The following RUNDC1 variants were observed in gnomAD, a reference collection of about 807,000 sequenced individuals.
RUNDC1 encodes the protein RUN domain containing 1.
Under a neutral mutation model 49.3 loss-of-function variants are expected in RUNDC1, and 31 were observed. The observed-to-expected ratio is 0.63, with a 90% CI of 0.47 to 0.85. RUNDC1 has a LOEUF of 0.85. Among genes scored for constraint, RUNDC1 ranks in the 40% least tolerant of loss-of-function variants. The pLI is 0.00. For synonymous variants in RUNDC1, 347 were observed against 348.6 expected (o/e 1.00, Z 0.05); for missense variants, 715 against 806.7 (o/e 0.89, Z 1.38).
chr17:42,988,371 G>A (rs2050197460), intron 2 of RUNDC1, among the ~76,000 whole-genome samples: 2 of 151,682 alleles, frequency 1.3e-5, no homozygotes, highest in African/African-American at 4.8e-5. Context: ...TCCTGCCTCA[G>A]CCTCCCGAGT....
At position 42,989,421 on chromosome 17, in the gene RUNDC1, T is replaced by G; in HGVS notation, c.738T>G (p.Arg246=). ...DISSLSTEEL[R]QRVDAAVAQI... is the part of the protein sequence containing the mutation. ...GTTCCCTGTCCACTGAAGAGCTTCG[T>G]CAGCGTGTAGATGCAGCAGTGGCTC... is the stretch of plus-strand genomic sequence containing the variant. The change falls in exon 3 of 5, where the codon CGT becomes CGG. Residue 246 remains arginine, a synonymous_variant. Coordinates refer to ENST00000361677, the MANE Select transcript of RUNDC1 (RefSeq NM_173079.5). The G allele has an allele frequency of 6.2e-7, 1 of 1,614,092 alleles. No individual in the cohort carries two copies. The highest frequency in any genetic ancestry group is 8.5e-7 in the Non-Finnish European group (1 of 1,180,002).
chr17:42,990,323 T>C lies in RUNDC1; in HGVS notation c.863T>C (p.Val288Ala), dbSNP rs1339573645. ...EMFINFIQDE[V>A]GSPLQTGGGH... is the part of the protein sequence containing the mutation. ...CTATAATTTCTGATTCCAGATGAAGTGGGAAGCCCCTTGCAGACAGGTGGT... is the reference window on the plus strand; with the variant it reads ...CTATAATTTCTGATTCCAGATGAAGCGGGAAGCCCCTTGCAGACAGGTGGT... The change falls in exon 4 of 5, where the codon GTG becomes GCG. Residue 288 changes from valine to alanine, a missense_variant. Transcript: ENST00000361677. 1 of 1,613,382 alleles carries C rather than the reference T, an allele frequency of 6.2e-7. No individual in the cohort carries two copies. The highest frequency in any genetic ancestry group is 8.5e-7 in the Non-Finnish European group (1 of 1,179,862).
chr17:42,986,076 T>C (rs946058599), intron 1 of RUNDC1, among the ~76,000 whole-genome samples: 8 of 152,204 alleles, frequency 5.3e-5, no homozygotes, highest in African/African-American at 1.9e-4. Context: ...CAAAGCTCAA[T>C]GCAGCCTCAA....
intron 1 of RUNDC1, among the ~76,000 whole-genome samples, chr17:42,982,214 T>TG (rs1567728818): frequency 6.6e-6 from 1 of 152,084 alleles, no homozygotes. Context: ...CTCGAACTCC[T>TG]GAGCTCAAGC....
intron 2 of RUNDC1, among the ~76,000 whole-genome samples, chr17:42,988,364 T>G (rs1176402006): frequency 6.6e-6 from 1 of 151,882 alleles, no homozygotes. Context: ...GCAATTCTCC[T>G]GCCTCAGCCT....
chr17:42,984,881 C>A (rs142780250), intron 1 of RUNDC1, among the ~76,000 whole-genome samples: 1,778 of 133,640 alleles, frequency 0.013, 24 homozygotes, highest in Non-Finnish European at 0.018. Context: ...TTTTCTTTTT[C>A]TTTCTTTCTT....
At chr17:42,982,335 TC>T (rs2151956142) in intron 1 of RUNDC1, among the ~76,000 whole-genome samples, 1 of 152,220 alleles carries the variant, frequency 6.6e-6, no homozygotes, top group South Asian at 2.1e-4. Context: ...GTGGCTTTCT[TC>T]CCACTTACAT....
rs2050269907 is a variant in RUNDC1 at position 42,993,358 on chromosome 17, A to G, written c.*1642A>G. ...AAAATGGGCAAAATGTATCACTCCA[A>G]ACACTACTGATTCAGCATTGTTTTC... On this transcript the variant is annotated 3_prime_UTR_variant, in exon 5 of 5. Coordinates refer to ENST00000361677, the MANE Select transcript of RUNDC1 (RefSeq NM_173079.5). The G allele has an allele frequency of 1.3e-5, 2 of 152,208 alleles. No homozygotes were observed. Among genetic ancestry groups the G allele is most frequent in the African/African-American group, 4.8e-5 (2 of 41,444 alleles). The allele number at this position is 152,208 out of a possible 1,614,324, so 9.4% of individuals were successfully genotyped here.
At chr17:42,985,984 C>T (rs2050166248) in intron 1 of RUNDC1, among the ~76,000 whole-genome samples, 1 of 151,964 alleles carries the variant, frequency 6.6e-6, no homozygotes, top group Admixed American at 6.6e-5. Flanking sequence ...TAGGCACTTG[C>T]CTTTTACTCT....
At position 42,994,054 on chromosome 17, in the gene RUNDC1, C is replaced by T. The variant is rs2050278733; in HGVS notation, c.*2338C>T. Among the ~76,000 whole-genome samples, 1 of 152,142 alleles carries T rather than the reference C, an allele frequency of 6.6e-6. No homozygotes were observed. The highest frequency in any genetic ancestry group is 1.5e-5 in the Non-Finnish European group (1 of 68,022). The stretch of plus-strand genomic sequence containing the variant: ...TTTGTATTTTTAATAGAGAGGGTTT[C>T]ACCACATTTGTCAGGCTAGTCTCGA... On this transcript the variant is annotated 3_prime_UTR_variant, in exon 5 of 5. Transcript: ENST00000361677.
At position 42,989,400 on chromosome 17, in the gene RUNDC1, C is replaced by T. The variant is rs2050208978; in HGVS notation, c.717C>T (p.Ser239=). The change falls in exon 3 of 5, where the codon TCC becomes TCT. Residue 239 remains serine (S), a synonymous_variant. Transcript: ENST00000361677. The part of the protein sequence containing the change: ...LDMNLNEDIS[S]LSTEELRQRV... ...TGAATCTGAATGAGGACATCAGTTC[C>T]CTGTCCACTGAAGAGCTTCGTCAGC... 6.2e-7 allele frequency: 1 copy of T among 1,613,898 alleles called. No homozygotes were observed. The highest frequency in any genetic ancestry group is 8.5e-7 in the Non-Finnish European group (1 of 1,179,912).
chr17:42,981,231 C>T (rs190914413), intron 1 of RUNDC1, 157 bp downstream of exon 1: 18 of 947,080 alleles, frequency 1.9e-5, no homozygotes, highest in Non-Finnish European at 2.7e-5. Context: ...GCGGGGCCGG[C>T]TGAAGGGCAA....
intron 2 of RUNDC1, among the ~76,000 whole-genome samples, chr17:42,988,347 G>A (rs1057129788): frequency 1.3e-5 from 2 of 151,568 alleles, no homozygotes; most frequent in African/African-American, 4.9e-5. Context: ...CCGCCTCCAG[G>A]GTTCAAGCAA....
intron 2 of RUNDC1, 103 bp from the exon 3 acceptor site, chr17:42,989,238 T>C: frequency 1.2e-6 from 1 of 839,454 alleles, no homozygotes; most frequent in East Asian, 2.6e-5. Flanking sequence ...TAGAGGTCTG[T>C]TTTTTATTTC....
chr17:42,994,098 TCCAC>T lies in RUNDC1; in HGVS notation c.*2387_*2390del, dbSNP rs945222154. ...GTCTCGAACTCCTGACCTCAGGTGA[TCCAC>T]CCACTTCAGCCTCCCAAAGTGCTGG... On this transcript the variant is annotated 3_prime_UTR_variant, in exon 5 of 5. Transcript: ENST00000361677. Among the ~76,000 whole-genome samples the T allele has an allele frequency of 2.0e-5, 3 of 152,204 alleles. No individual in the cohort carries two copies. Among genetic ancestry groups the T allele is most frequent in the African/African-American group, 7.2e-5 (3 of 41,456 alleles).
At chr17:42,989,661 G>C in intron 3 of RUNDC1, 122 bp downstream of exon 3, 1 of 861,776 alleles carries the variant, frequency 1.2e-6, no homozygotes, top group Non-Finnish European at 1.8e-6. Flanking sequence ...TGGGGACAGT[G>C]TCTCTCTCTG....
At position 42,989,144 on chromosome 17, in the gene RUNDC1, T is replaced by C. The variant is rs552159483; in HGVS notation, c.658-197T>C. ...GGAGGATCCATTTTTATCAGAGAAC[T>C]GAGGGTTCTTTTTACTTTAAAAGTA... On this transcript the variant is annotated intron_variant, in intron 2 of 4. Coordinates refer to ENST00000361677, the MANE Select transcript of RUNDC1 (RefSeq NM_173079.5). Among the ~76,000 whole-genome samples the C allele has an allele frequency of 2.0e-4, 30 of 152,346 alleles. 1 individual carries two copies. The South Asian group carries it at 6.0e-3, about 31-fold the overall frequency.
In RUNDC1 at chr17:42,991,238, C is replaced by T; in HGVS notation, c.1364C>T (p.Pro455Leu). Residue 455 changes from proline (P) to leucine (L), a missense_variant, in exon 5 of 5, where the codon CCT becomes CTT. Pro to Leu is a moderately conservative substitution (Grantham distance 98). Coordinates refer to ENST00000361677, the MANE Select transcript of RUNDC1 (RefSeq NM_173079.5). ...SSPGMSLVMA[P>L]IACLLPAFSS... The stretch of plus-strand genomic sequence containing the variant: ...CCAGGGATGAGCCTTGTTATGGCTC[C>T]TATTGCTTGTTTGCTGCCAGCCTTC... 6.2e-7 allele frequency: 1 copy of T among 1,614,212 alleles called. No homozygotes were observed. The highest frequency in any genetic ancestry group is 8.5e-7 in the Non-Finnish European group (1 of 1,180,030).
At chr17:42,990,174 GC>G in intron 3 of RUNDC1, 142 bp from the exon 4 acceptor site, 1 of 1,041,100 alleles carries the variant, frequency 9.6e-7, no homozygotes, top group South Asian at 1.7e-5. Flanking sequence ...ACTACTGTAT[GC>G]CAGTCCTCAT....
Sources: gnomAD v4.1 joint callset for allele counts (sites outside exome capture counted in the v4.1 genomes callset) on GRCh38, gnomAD v4.1.1 for gene constraint, MANE v1.5 for transcripts, NCBI Gene and HGNC (gene_info 2026-07-23, HGNC 2026-07-21) for gene names.